The following SLC22A4 variants were observed in gnomAD, a reference collection of about 807,000 sequenced individuals.
The protein encoded by SLC22A4 is solute carrier family 22 member 4.
Under a neutral mutation model 56.6 loss-of-function variants are expected in SLC22A4, and 39 were observed. The ratio of observed to expected loss-of-function variants is 0.69; its 90% CI spans 0.53 to 0.90. SLC22A4 has a LOEUF of 0.90. Ranked by LOEUF, SLC22A4 falls within the 40% of genes least tolerant of loss-of-function variation. SLC22A4 has a pLI of 0.00. For missense variants in SLC22A4, 594 were observed against 696.5 expected (o/e 0.85, Z 1.66); for synonymous variants, 241 against 281.4 (o/e 0.86, Z 1.44).
intron 1 of SLC22A4, among the ~76,000 whole-genome samples, chr5:132,299,591 G>A (rs1476760006): frequency 1.3e-5 from 2 of 150,116 alleles, no homozygotes; most frequent in Non-Finnish European, 3.0e-5. Context: ...TACCATGCCC[G>A]GCTAGTTTTT....
intron 6 of SLC22A4, chr5:132,332,130 A>G (rs1750876098): frequency 5.2e-6 from 2 of 381,442 alleles, no homozygotes; most frequent in Non-Finnish European, 5.0e-6. Context: ...TCTAGCCAAC[A>G]TGGTGAAACC....
chr5:132,302,107 A>G (rs538878040), intron 1 of SLC22A4, among the ~76,000 whole-genome samples: 100 of 152,316 alleles, frequency 6.6e-4, no homozygotes, highest in African/African-American at 1.8e-3. Context: ...CTGTTTGTTT[A>G]TCAGCTGCCT....
In SLC22A4 at chr5:132,344,088, AC is replaced by A; in HGVS notation, c.*254del. ...AATGGATTGGTAAGATGTCTTGAAAACATGTTAGTCAAGGACTGGTAAAATA... is the reference window on the plus strand; with the variant it reads ...AATGGATTGGTAAGATGTCTTGAAAAATGTTAGTCAAGGACTGGTAAAATA... On this transcript the variant is annotated 3_prime_UTR_variant, in exon 10 of 10. Transcript: ENST00000200652. 1 of 456,078 alleles carries A rather than the reference AC, an allele frequency of 2.2e-6. No individual in the cohort carries two copies. Among genetic ancestry groups the A allele is most frequent in the Non-Finnish European group, 3.9e-6 (1 of 256,776 alleles). 28.3% of individuals were successfully genotyped at this position (456,078 alleles called of 1,614,324 possible). A position where few individuals can be genotyped will look rare whatever the true frequency, so the allele number is the denominator to read the frequency against.
intron 1 of SLC22A4, among the ~76,000 whole-genome samples, chr5:132,304,594 G>T (rs1749981560): frequency 6.6e-6 from 1 of 152,150 alleles, no homozygotes; most frequent in Non-Finnish European, 1.5e-5. Flanking sequence ...TCTAGCTTGG[G>T]CAACAGAGTG....
At chr5:132,297,437 C>T (rs1202596768) in intron 1 of SLC22A4, among the ~76,000 whole-genome samples, 5 of 152,124 alleles carry the variant, frequency 3.3e-5, no homozygotes, top group Non-Finnish European at 7.4e-5. Context: ...CCCAGAGGGG[C>T]GGCAGCACAC....
intron 3 of SLC22A4, among the ~76,000 whole-genome samples, chr5:132,317,111 G>T (rs567490405): frequency 6.6e-6 from 1 of 152,256 alleles, no homozygotes; most frequent in East Asian, 1.9e-4. Context: ...CTCACTCTCT[G>T]GTGTCTCTTC....
intron 1 of SLC22A4, among the ~76,000 whole-genome samples, chr5:132,300,128 A>G (rs1322247076): frequency 6.6e-6 from 1 of 152,172 alleles, no homozygotes; most frequent in African/African-American, 2.4e-5. Context: ...TTGGGTTGGC[A>G]TGATTTTTCT....
Position 132,306,106 on chromosome 5 carries a change from T to C in SLC22A4, c.394-6055T>C, listed in dbSNP as rs185588852. Among the ~76,000 whole-genome samples, 351 of 152,120 alleles carry C rather than the reference T, an allele frequency of 2.3e-3. 2 individuals are homozygous for C. The highest frequency in any genetic ancestry group is 0.02 in the Middle Eastern group (6 of 294). ...AAGTACTGGTAGGAATGTGGAGAAA[T>C]TGAAACCCTCATTCATTGCTGTTGG... On this transcript the variant is annotated intron_variant, in intron 1 of 9. Transcript: ENST00000200652.
At chr5:132,317,339 A>T (rs1209154220) in intron 3 of SLC22A4, among the ~76,000 whole-genome samples, 1 of 152,242 alleles carries the variant, frequency 6.6e-6, no homozygotes, top group Non-Finnish European at 1.5e-5. Flanking sequence ...ACGAATTAGC[A>T]GTCATTTCCC....
At chr5:132,343,716 A>T in intron 9 of SLC22A4, 44 bp from the exon 10 acceptor site, 1 of 1,199,960 alleles carries the variant, frequency 8.3e-7, no homozygotes, top group Non-Finnish European at 1.2e-6. Context: ...TGAGGAGGAA[A>T]GTCTTGAATA....
intron 4 of SLC22A4, among the ~76,000 whole-genome samples, chr5:132,324,982 A>G (rs567251782): frequency 6.6e-6 from 1 of 152,270 alleles, no homozygotes; most frequent in East Asian, 1.9e-4. Flanking sequence ...GGGACTTTTT[A>G]TGTCCCAAGT....
intron 1 of SLC22A4, among the ~76,000 whole-genome samples, chr5:132,310,600 C>T (rs1314070042): frequency 1.3e-5 from 2 of 152,166 alleles, no homozygotes; most frequent in African/African-American, 2.4e-5. Context: ...CTTCCTGGCC[C>T]GAGTTGTTTT....
intron 1 of SLC22A4, among the ~76,000 whole-genome samples, chr5:132,309,539 T>A (rs1179783771): frequency 6.6e-6 from 1 of 152,180 alleles, no homozygotes; most frequent in East Asian, 1.9e-4. Flanking sequence ...TGATGGGAGA[T>A]GGCCCTCACC....
chr5:132,338,856 T>A (rs1751111234), intron 8 of SLC22A4, among the ~76,000 whole-genome samples: 1 of 152,204 alleles, frequency 6.6e-6, no homozygotes, highest in Non-Finnish European at 1.5e-5. Flanking sequence ...ATTTGTGCAG[T>A]TAACGCAATC....
chr5:132,317,197 G>A (rs1750388428), intron 3 of SLC22A4, among the ~76,000 whole-genome samples: 1 of 152,192 alleles, frequency 6.6e-6, no homozygotes, highest in South Asian at 2.1e-4. Context: ...CAAACATTCA[G>A]TCCATGACAG....
chr5:132,311,301 T>A (rs1216509587), intron 1 of SLC22A4: 1 of 152,260 alleles, frequency 6.6e-6, no homozygotes, highest in Non-Finnish European at 1.5e-5. Context: ...TGTTTATTTA[T>A]TTGTTTTTAA....
At chr5:132,304,786 A>T (rs1451627854) in intron 1 of SLC22A4, among the ~76,000 whole-genome samples, 1 of 151,722 alleles carries the variant, frequency 6.6e-6, no homozygotes, top group Non-Finnish European at 1.5e-5. Context: ...GGCAACAGTA[A>T]CTGCCTGAGA....
intron 3 of SLC22A4, 35 bp from the exon 4 acceptor site, chr5:132,322,149 T>G (rs748253464): frequency 2.3e-5 from 36 of 1,584,184 alleles, no homozygotes; most frequent in Non-Finnish European, 3.0e-5. Flanking sequence ...TTAAAGTGAG[T>G]TAATATGCTA....
chr5:132,295,333 G>C, intron 1 of SLC22A4: 2 of 573,866 alleles, frequency 3.5e-6, no homozygotes, highest in Admixed American at 4.4e-5. Flanking sequence ...AGGCTACCCA[G>C]ACGCACTGCC....
Sources: allele counts gnomAD v4.1 joint callset (sites outside exome capture counted in the v4.1 genomes callset), GRCh38; gene constraint gnomAD v4.1.1; transcripts MANE v1.5; gene names NCBI Gene and HGNC (gene_info 2026-07-23, HGNC 2026-07-21).